The following PKD2 variants were observed in gnomAD, a reference collection of about 807,000 sequenced individuals.
PKD2 encodes polycystin 2, transient receptor potential cation channel, also known as polycystin-2.
PKD2 carries 48 observed loss-of-function variants against 105.9 expected under a neutral mutation model. The ratio of observed to expected loss-of-function variants is 0.45; its 90% CI spans 0.36 to 0.58. The LOEUF (loss-of-function observed/expected upper bound fraction) is 0.58, where lower values mean the gene tolerates loss of function less well. PKD2 is among the 20% of genes least tolerant of loss of function. The pLI is 0.00. For missense variants in PKD2, 1,078 were observed against 1,255.3 expected, an observed-to-expected ratio of 0.86 and a Z score of 2.13; for synonymous variants, 464 against 481.1, an observed-to-expected ratio of 0.96 and a Z score of 0.46.
Position 88,048,413 on chromosome 4 carries a change from A to T in PKD2, c.1548+1543A>T, listed in dbSNP as rs148592029. ...ATTATTCATATGTGAGTGAAAGAAC[A>T]CTTAAAGCATAAAAAAGAACTACAT... On this transcript the variant is annotated intron_variant, in intron 6 of 14. Coordinates refer to ENST00000237596, the MANE Select transcript of PKD2 (RefSeq NM_000297.4). 2.0e-4 allele frequency among the ~76,000 whole-genome samples: 31 copies of T among 152,338 alleles called. No homozygotes were observed. In the East Asian group the frequency reaches 5.4e-3, roughly 27 times the overall value.
At chr4:88,051,688 T>A (rs986700297) in intron 6 of PKD2, among the ~76,000 whole-genome samples, 2 of 152,218 alleles carry the variant, frequency 1.3e-5, no homozygotes, top group South Asian at 4.1e-4. Flanking sequence ...TCTGTTATAG[T>A]GTGATCTCTT....
At chr4:88,023,727 A>G (rs1430916577) in intron 2 of PKD2, among the ~76,000 whole-genome samples, 2 of 152,246 alleles carry the variant, frequency 1.3e-5, no homozygotes, top group African/African-American at 4.8e-5. Flanking sequence ...TAATACATGA[A>G]AAGATCCTAG....
Position 88,024,273 on chromosome 4 carries a change from T to G in PKD2, c.709+4702T>G, listed in dbSNP as rs185313298. Among the ~76,000 whole-genome samples, 53 of 151,274 alleles carry G rather than the reference T, an allele frequency of 3.5e-4. 1 individual carries two copies. In the East Asian group the frequency reaches 9.3e-3, roughly 27 times the overall value. On this transcript the variant is annotated intron_variant, in intron 2 of 14. Coordinates refer to ENST00000237596, the MANE Select transcript of PKD2 (RefSeq NM_000297.4). ...CGAGTTCAAGACCAGCCTGGGCAAC[T>G]TGGCGAGACCTCGTCTCTACAAGAT...
At chr4:88,023,037 C>T (rs568702140) in intron 2 of PKD2, among the ~76,000 whole-genome samples, 43 of 151,980 alleles carry the variant, frequency 2.8e-4, no homozygotes, top group African/African-American at 1.0e-3. Flanking sequence ...GCCATGATTG[C>T]AACACTGCAC....
At chr4:88,053,676 A>G (rs571910097) in intron 7 of PKD2, among the ~76,000 whole-genome samples, 29 of 151,590 alleles carry the variant, frequency 1.9e-4, no homozygotes, top group Non-Finnish European at 4.0e-4. Context: ...AAAAAAATGC[A>G]TAGACTTTAT....
intron 2 of PKD2, among the ~76,000 whole-genome samples, chr4:88,023,864 T>A (rs780060067): frequency 3.3e-5 from 5 of 152,222 alleles, no homozygotes; most frequent in African/African-American, 4.8e-5. Context: ...TCAGATTCAT[T>A]TGGAGCAGCT....
chr4:88,016,174 C>T (rs764370859), intron 1 of PKD2, among the ~76,000 whole-genome samples: 3 of 152,148 alleles, frequency 2.0e-5, no homozygotes, highest in Non-Finnish European at 2.9e-5. Flanking sequence ...CTGTGGGGCC[C>T]GGTTCCTAAC....
chr4:88,064,926 G>C (rs1295687847), intron 10 of PKD2, among the ~76,000 whole-genome samples: 1 of 150,218 alleles, frequency 6.7e-6, no homozygotes, highest in African/African-American at 2.4e-5. Flanking sequence ...CATTTCACTG[G>C]GTTTTTTGTT....
intron 8 of PKD2, among the ~76,000 whole-genome samples, chr4:88,056,831 T>C (rs1449361663): frequency 1.3e-5 from 2 of 152,322 alleles, no homozygotes; most frequent in East Asian, 3.9e-4. Context: ...TGTGCATAGA[T>C]ATCTCGAATT....
chr4:88,051,470 A>T (rs897190994), intron 6 of PKD2, among the ~76,000 whole-genome samples: 1 of 152,242 alleles, frequency 6.6e-6, no homozygotes, highest in African/African-American at 2.4e-5. Flanking sequence ...TAGCCCTTGC[A>T]CAGTGCTGTA....
intron 12 of PKD2, among the ~76,000 whole-genome samples, chr4:88,067,260 A>G (rs896964305): frequency 1.2e-4 from 19 of 152,356 alleles, no homozygotes; most frequent in African/African-American, 3.6e-4. Flanking sequence ...TAATGCAAAC[A>G]TTCCAAAATA....
At position 88,052,370 on chromosome 4, in the gene PKD2, G is replaced by C. The variant is rs370358950; in HGVS notation, c.1716+212G>C. On this transcript the variant is annotated intron_variant, in intron 7 of 14. Transcript: ENST00000237596. The stretch of plus-strand genomic sequence containing the variant: ...TGCAGCCTCGACTTCCCAGGCCCAA[G>C]CGATCCTCCCACCTTATCCTCCGAA... Among the ~76,000 whole-genome samples the C allele has an allele frequency of 2.8e-4, 42 of 152,172 alleles. No individual in the cohort carries two copies. The South Asian group carries it at 8.7e-3, about 32-fold the overall frequency.
chr4:88,037,016 C>T (rs28436301), intron 3 of PKD2, among the ~76,000 whole-genome samples: 4,450 of 152,160 alleles, frequency 0.029, 217 homozygotes, highest in African/African-American at 0.1. Flanking sequence ...ATTGCTTTAG[C>T]CCAGGATTTT....
intron 2 of PKD2, among the ~76,000 whole-genome samples, chr4:88,029,815 G>A (rs953421035): frequency 6.6e-6 from 1 of 152,196 alleles, no homozygotes; most frequent in African/African-American, 2.4e-5. Context: ...AGAGAGAATT[G>A]TATGAATGAA....
chr4:88,014,649 A>G (rs1726500593), intron 1 of PKD2, among the ~76,000 whole-genome samples: 1 of 152,234 alleles, frequency 6.6e-6, no homozygotes, highest in Admixed American at 6.5e-5. Flanking sequence ...ATTCTTCTAA[A>G]CAAGACTCAC....
rs1361444493 is a variant in PKD2, at chr4:88,075,651, T to A, written c.2864T>A (p.Met955Lys). 1.2e-6 allele frequency: 2 copies of A among 1,613,976 alleles called. No individual in the cohort carries two copies. The change falls in exon 15 of 15, where the codon ATG becomes AAG. Residue 955 changes from methionine to lysine, a missense_variant. Met to Lys is a moderately conservative substitution (Grantham distance 95). Transcript: ENST00000237596. ...RPSSSQSTEG[M>K]EGAGGNGSSN... ...TCTTCCTCCCAATCTACAGAAGGCATGGAAGGTGCAGGTGGAAATGGGAGT... is the reference window on the plus strand; with the variant it reads ...TCTTCCTCCCAATCTACAGAAGGCAAGGAAGGTGCAGGTGGAAATGGGAGT...
chr4:88,042,455 A>G (rs1318543742), intron 4 of PKD2, among the ~76,000 whole-genome samples: 2 of 152,234 alleles, frequency 1.3e-5, no homozygotes, highest in Non-Finnish European at 2.9e-5. Flanking sequence ...TTACAATTCA[A>G]GATGAGTTTG....
intron 2 of PKD2, among the ~76,000 whole-genome samples, chr4:88,020,599 C>T (rs1227899536): frequency 1.6e-4 from 24 of 152,002 alleles, no homozygotes; most frequent in Admixed American, 1.6e-3. Flanking sequence ...TGTCATGTCT[C>T]ATCTAAAGTC....
intron 6 of PKD2, 75 bp downstream of exon 6, chr4:88,046,945 C>A: frequency 1.2e-6 from 1 of 863,604 alleles, no homozygotes; most frequent in East Asian, 2.4e-5. Flanking sequence ...ATCTCCTCAG[C>A]ATTGTGGATC....
Sources: gnomAD v4.1 joint callset for allele counts (sites outside exome capture counted in the v4.1 genomes callset) on GRCh38, gnomAD v4.1.1 for gene constraint, MANE v1.5 for transcripts, NCBI Gene and HGNC (gene_info 2026-07-23, HGNC 2026-07-21) for gene names.